The following ENTREP2 variants were observed in gnomAD, a reference collection of about 807,000 sequenced individuals.
The protein encoded by ENTREP2 is protein ENTREP2.
the ENTREP2 span, among the ~76,000 whole-genome samples, chr15:29,581,096 C>A: frequency 1.3e-5 from 2 of 151,980 alleles, no homozygotes; most frequent in East Asian, 3.9e-4. Flanking sequence ...CTAATTATAT[C>A]ATTATTTCAA....
At chr15:29,377,172 A>T in the ENTREP2 span, among the ~76,000 whole-genome samples, 1 of 152,188 alleles carries the variant, frequency 6.6e-6, no homozygotes, top group Non-Finnish European at 1.5e-5. Context: ...CTTTTATTTT[A>T]AAAATCATTG....
the ENTREP2 span, among the ~76,000 whole-genome samples, chr15:29,365,009 A>G: frequency 7.9e-5 from 12 of 152,156 alleles, no homozygotes; most frequent in African/African-American, 2.9e-4. Flanking sequence ...AATGACCTGT[A>G]TCCACCATTA....
At chr15:29,637,136 T>C in the ENTREP2 span, among the ~76,000 whole-genome samples, 1 of 152,190 alleles carries the variant, frequency 6.6e-6, no homozygotes, top group Non-Finnish European at 1.5e-5. Context: ...AACAAAGGGA[T>C]CCTCAGATGC....
chr15:29,123,507 C>T, the ENTREP2 span: 2 of 1,551,760 alleles, frequency 1.3e-6, no homozygotes, highest in Non-Finnish European at 1.7e-6. Flanking sequence ...CCGCATAGGC[C>T]TTGCTGTCCA....
the ENTREP2 span, among the ~76,000 whole-genome samples, chr15:29,634,458 C>G: frequency 1.3e-5 from 2 of 152,162 alleles, no homozygotes; most frequent in Non-Finnish European, 2.9e-5. Context: ...TCCCATAAAA[C>G]CCAAAATGCT....
chr15:29,166,739 T>C, the ENTREP2 span, among the ~76,000 whole-genome samples: 2 of 152,082 alleles, frequency 1.3e-5, no homozygotes, highest in Non-Finnish European at 2.9e-5. Flanking sequence ...AAAATGACCA[T>C]ACCAGCAAAA....
At chr15:29,333,940 A>G in the ENTREP2 span, among the ~76,000 whole-genome samples, 4,757 of 152,016 alleles carry the variant, frequency 0.031, 251 homozygotes, top group African/African-American at 0.11. Flanking sequence ...GGGGTGATGC[A>G]TCTACAAGCC....
At chr15:29,513,137 C>T in the ENTREP2 span, among the ~76,000 whole-genome samples, 103 of 152,244 alleles carry the variant, frequency 6.8e-4, no homozygotes, top group Middle Eastern at 3.4e-3. Flanking sequence ...AAGCTGTTTT[C>T]CACTCACTGC....
the ENTREP2 span, among the ~76,000 whole-genome samples, chr15:29,605,495 A>C: frequency 8.4e-3 from 1,281 of 152,280 alleles, 16 homozygotes; most frequent in African/African-American, 0.029. Context: ...CCACATCTGT[A>C]TCTCTAAATC....
chr15:29,340,914 T>G, the ENTREP2 span, among the ~76,000 whole-genome samples: 1 of 152,180 alleles, frequency 6.6e-6, no homozygotes, highest in South Asian at 2.1e-4. Flanking sequence ...CAGTTTTAAT[T>G]TCCATTCTAT....
the ENTREP2 span, among the ~76,000 whole-genome samples, chr15:29,213,218 G>C: frequency 1.3e-5 from 2 of 152,160 alleles, no homozygotes; most frequent in African/African-American, 4.8e-5. Context: ...TTGAAGTCAG[G>C]TAGCGTGATG....
At chr15:29,120,277 AAC>A in the ENTREP2 span, 1 of 152,242 alleles carries the variant, frequency 6.6e-6, no homozygotes. Flanking sequence ...TTTTTATTAA[AAC>A]ACGGATCATT....
chr15:29,316,047 T>C, the ENTREP2 span, among the ~76,000 whole-genome samples: 5 of 152,308 alleles, frequency 3.3e-5, no homozygotes, highest in Admixed American at 2.0e-4. Flanking sequence ...AAATGATAAC[T>C]AGAATTTTCA....
the ENTREP2 span, among the ~76,000 whole-genome samples, chr15:29,253,535 C>T: frequency 2.6e-5 from 4 of 151,462 alleles, no homozygotes; most frequent in Non-Finnish European, 4.4e-5. Context: ...CTCTGCCTCC[C>T]GGGTTCAAGC....
the ENTREP2 span, among the ~76,000 whole-genome samples, chr15:29,173,581 G>T: frequency 6.6e-6 from 1 of 152,130 alleles, no homozygotes; most frequent in Non-Finnish European, 1.5e-5. Flanking sequence ...TTCCGCCAGG[G>T]TGTGCAGAGC....
the ENTREP2 span, among the ~76,000 whole-genome samples, chr15:29,277,440 G>A: frequency 0.032 from 4,891 of 152,190 alleles, 263 homozygotes; most frequent in African/African-American, 0.11. Context: ...TTAAAGCAGC[G>A]GTCCCCAACC....
chr15:29,392,409 C>T, the ENTREP2 span, among the ~76,000 whole-genome samples: 1 of 133,378 alleles, frequency 7.5e-6, no homozygotes, highest in African/African-American at 2.8e-5. Flanking sequence ...GTGATAAACT[C>T]CCGTTTTTGG....
chr15:29,191,196 C>A, the ENTREP2 span, among the ~76,000 whole-genome samples: 1 of 152,092 alleles, frequency 6.6e-6, no homozygotes, highest in Non-Finnish European at 1.5e-5. Flanking sequence ...TATGAGAAAA[C>A]TAGATAATGT....
At chr15:29,398,107 A>G in the ENTREP2 span, among the ~76,000 whole-genome samples, 1 of 150,278 alleles carries the variant, frequency 6.7e-6, no homozygotes, top group Non-Finnish European at 1.5e-5. Context: ...ACATCCAAAC[A>G]AAACCAAACA....
Sources: gnomAD v4.1 joint callset for allele counts (sites outside exome capture counted in the v4.1 genomes callset) on GRCh38, gnomAD v4.1.1 for gene constraint, MANE v1.5 for transcripts, NCBI Gene and HGNC (gene_info 2026-07-23, HGNC 2026-07-21) for gene names.